Variants in MYOM2 observed in about 807,000 individuals in gnomAD.
MYOM2 encodes the protein myomesin 2.
Under a neutral mutation model 187.6 loss-of-function variants are expected in MYOM2, and 254 were observed. That is an observed-to-expected ratio of 1.35 (90% CI 1.22 to 1.50). The LOEUF is 1.50. MYOM2 is among the 40% of genes most tolerant of loss of function. MYOM2 has a pLI of 0.00. For synonymous variants in MYOM2, 981 were observed against 753.8 expected (o/e 1.30, Z -4.94); for missense variants, 2,796 against 1,924.0 (o/e 1.45, Z -8.48).
intron 25 of MYOM2, among the ~76,000 whole-genome samples, chr8:2,112,376 A>G (rs946025273): frequency 4.2e-5 from 5 of 117,920 alleles, no homozygotes; most frequent in Non-Finnish European, 8.3e-5. Context: ...ATGGGTGTTA[A>G]GGAGGTAGAA....
intron 6 of MYOM2, among the ~76,000 whole-genome samples, chr8:2,064,705 C>G (rs1818958521): frequency 6.6e-6 from 1 of 152,196 alleles, no homozygotes; most frequent in Admixed American, 6.5e-5. Context: ...AAGCTCCTTG[C>G]CCTTTGGGAG....
intron 21 of MYOM2, 75 bp from the exon 22 acceptor site, chr8:2,106,167 T>C (rs1433416734): frequency 1.0e-5 from 15 of 1,487,406 alleles, no homozygotes; most frequent in African/African-American, 2.8e-5. Context: ...AGCCAAACCA[T>C]ATCACCCTCT....
At chr8:2,089,700 C>G (rs767615653) in intron 14 of MYOM2, among the ~76,000 whole-genome samples, 2 of 152,168 alleles carry the variant, frequency 1.3e-5, no homozygotes, top group East Asian at 3.8e-4. Context: ...CAGGTTAGTT[C>G]TATTTTGCTA....
At position 2,063,912 on chromosome 8, in the gene MYOM2, A is replaced by G. The variant is rs565900644; in HGVS notation, c.653+4667A>G. On this transcript the variant is annotated intron_variant, in intron 6 of 36. Transcript: ENST00000262113. ...ATCTATTCTGGGAACCTGTCAGAAC[A>G]GGAAATAAAACCCTTGCCTCTCCCT... Among the ~76,000 whole-genome samples, 14 of 152,380 alleles carry G rather than the reference A, an allele frequency of 9.2e-5. No individual in the cohort carries two copies. The East Asian group carries it at 2.3e-3, about 25-fold the overall frequency.
At chr8:2,111,856 G>C (rs1244036202) in intron 25 of MYOM2, among the ~76,000 whole-genome samples, 2 of 152,184 alleles carry the variant, frequency 1.3e-5, no homozygotes, top group African/African-American at 4.8e-5. Context: ...CCAGTTTTCT[G>C]TTTAGAAAAA....
intron 3 of MYOM2, among the ~76,000 whole-genome samples, chr8:2,056,280 G>T (rs1003846400): frequency 6.6e-6 from 1 of 152,182 alleles, no homozygotes; most frequent in Non-Finnish European, 1.5e-5. Flanking sequence ...GATTGAAAGG[G>T]ATGGCAGTGA....
At chr8:2,119,748 G>C (rs182719927) in intron 28 of MYOM2, among the ~76,000 whole-genome samples, 3 of 152,154 alleles carry the variant, frequency 2.0e-5, no homozygotes, top group Non-Finnish European at 4.4e-5. Flanking sequence ...AGGACTCACA[G>C]GTGAAGGAAG....
intron 32 of MYOM2, among the ~76,000 whole-genome samples, chr8:2,131,355 A>G (rs192366912): frequency 2.0e-5 from 3 of 152,214 alleles, no homozygotes; most frequent in Admixed American, 1.3e-4. Flanking sequence ...TCACGCCCCT[A>G]CTAAGTGAAA....
chr8:2,079,378 C>G (rs774668874), intron 12 of MYOM2, among the ~76,000 whole-genome samples, 182 bp from the exon 13 acceptor site: 15 of 152,050 alleles, frequency 9.9e-5, no homozygotes, highest in Non-Finnish European at 1.9e-4. Context: ...CATCCACCAC[C>G]AAGAGCTGAG....
chr8:2,084,093 T>C (rs1370680455), intron 13 of MYOM2, among the ~76,000 whole-genome samples: 2 of 152,236 alleles, frequency 1.3e-5, no homozygotes, highest in East Asian at 3.8e-4. Flanking sequence ...TTTCGGCAAG[T>C]GTTACAGAAA....
Position 2,101,422 on chromosome 8 carries a change from G to A in MYOM2, c.2619+368G>A, listed in dbSNP as rs552315136. ...AAATAAAGGTAAGTCTTTCGTCTTG[G>A]CGTTTCCCTCTGTGTGAAAGTGCTG... On this transcript the variant is annotated intron_variant, in intron 20 of 36. Transcript: ENST00000262113. Among the ~76,000 whole-genome samples the A allele has an allele frequency of 6.6e-5, 10 of 152,314 alleles. No homozygotes were observed. In the East Asian group the frequency reaches 1.9e-3, roughly 29 times the overall value.
intron 32 of MYOM2, among the ~76,000 whole-genome samples, chr8:2,138,539 G>T (rs1798161881): frequency 6.6e-6 from 1 of 152,204 alleles, no homozygotes; most frequent in African/African-American, 2.4e-5. Flanking sequence ...AACATATTGT[G>T]AAGGGCTAAA....
chr8:2,085,107 G>T, intron 13 of MYOM2, 156 bp from the exon 14 acceptor site: 3 of 804,010 alleles, frequency 3.7e-6, no homozygotes, highest in Non-Finnish European at 5.8e-6. Flanking sequence ...TTATCCTCTG[G>T]TTCCAAGGAA....
At position 2,144,747 on chromosome 8, in the gene MYOM2, C is replaced by G. The variant is rs201809676; in HGVS notation, c.4164C>G (p.Ser1388Arg). The G allele has an allele frequency of 4.3e-6, 7 of 1,614,108 alleles. No individual in the cohort carries two copies. Among genetic ancestry groups the G allele is most frequent in the Non-Finnish European group, 5.9e-6 (7 of 1,180,042 alleles). Residue 1388 changes from serine (S) to arginine (R), a missense_variant, in exon 37 of 37, where the codon AGC becomes AGG. Transcript: ENST00000262113. ...AGAACGACCAGGACATCCAGCTCAG[C>G]GAGCACTTCTCGGTGAAGGTGGAGC... ...WFKNDQDIQL[S>R]EHFSVKVEQA...
chr8:2,124,312 G>A, intron 31 of MYOM2, 95 bp downstream of exon 31: 1 of 1,253,526 alleles, frequency 8.0e-7, no homozygotes, highest in Non-Finnish European at 1.1e-6. Flanking sequence ...GGGCACCATG[G>A]AGCTGTGGTG....
rs368419743 is a variant in MYOM2, at chr8:2,069,473, C to A, written c.769C>A (p.Arg257Ser). 6.2e-7 allele frequency: 1 copy of A among 1,614,050 alleles called. No individual in the cohort carries two copies. The highest frequency in any genetic ancestry group is 1.3e-5 in the African/African-American group (1 of 74,914). ...GTTCCGGGGAGACGAGGAACCATTC[C>A]GTTCGGTGGGACTCCCGATTGGATG... ...RRFRGDEEPF[R>S]SVGLPIGLPL... The change falls in exon 8 of 37, where the codon CGT becomes AGT. Residue 257 changes from arginine to serine, a missense_variant. Coordinates refer to ENST00000262113, the MANE Select transcript of MYOM2 (RefSeq NM_003970.4).
At chr8:2,118,595 A>C (rs564866444) in intron 28 of MYOM2, among the ~76,000 whole-genome samples, 12 of 152,338 alleles carry the variant, frequency 7.9e-5, no homozygotes, top group African/African-American at 2.9e-4. Context: ...ACTAAGAATT[A>C]TGCAGGCCAG....
intron 18 of MYOM2, 125 bp from the exon 19 acceptor site, chr8:2,098,732 A>G (rs1796580182): frequency 8.9e-7 from 1 of 1,119,770 alleles, no homozygotes; most frequent in Non-Finnish European, 1.2e-6. Flanking sequence ...TATTTGGTCC[A>G]ATTTCCCGAC....
intron 21 of MYOM2, among the ~76,000 whole-genome samples, chr8:2,105,193 G>C (rs1350242122): frequency 6.6e-6 from 1 of 152,170 alleles, no homozygotes; most frequent in Non-Finnish European, 1.5e-5. Context: ...TGTGACCTGA[G>C]TGTCAGGAAG....
Sources: allele counts gnomAD v4.1 joint callset (sites outside exome capture counted in the v4.1 genomes callset), GRCh38; gene constraint gnomAD v4.1.1; transcripts MANE v1.5; gene names NCBI Gene and HGNC (gene_info 2026-07-23, HGNC 2026-07-21).